Variants in DBF4B observed in about 807,000 individuals in gnomAD.
The protein encoded by DBF4B is protein DBF4 homolog B.
A neutral mutation model predicts 53.4 loss-of-function variants in DBF4B; 49 were observed. The observed-to-expected ratio is 0.92, with a 90% CI of 0.73 to 1.16. The LOEUF is 1.16. Among genes scored for constraint, DBF4B ranks in the 50% most tolerant of loss-of-function variants. DBF4B has a pLI of 0.00. For synonymous variants in DBF4B, 257 were observed against 288.7 expected (o/e 0.89, Z 1.11); for missense variants, 692 against 775.0 (o/e 0.89, Z 1.27).
rs561346727 is a variant in DBF4B, at chr17:44,729,991, T to C, written c.312T>C (p.His104=). Reference sequence around the variant, plus strand: ...AGGCAGAGAGCAGTGGGAAAAGCCATAGAGGCTGCCCTAGCCCTAGCCCCA... The same window carrying C: ...AGGCAGAGAGCAGTGGGAAAAGCCACAGAGGCTGCCCTAGCCCTAGCCCCA... ...EVKAESSGKS[H]RGCPSPSPSE... Residue 104 remains histidine, a synonymous_variant, in exon 4 of 14, where the codon CAT becomes CAC. Transcript: ENST00000315005. 3.7e-6 allele frequency: 6 copies of C among 1,613,800 alleles called. No individual in the cohort carries two copies. Among genetic ancestry groups the C allele is most frequent in the South Asian group, 1.1e-5 (1 of 91,056 alleles).
intron 2 of DBF4B, among the ~76,000 whole-genome samples, chr17:44,716,220 T>G (rs549588546): frequency 1.3e-5 from 2 of 152,126 alleles, no homozygotes; most frequent in African/African-American, 4.8e-5. Context: ...GTCAACTTGA[T>G]AGACTTCATT....
Position 44,741,418 on chromosome 17 carries a change from G to T in DBF4B, c.796G>T (p.Ala266Ser). Residue 266 changes from alanine to serine, a missense_variant, in exon 10 of 14, where the codon GCC (alanine) becomes TCC (serine). Around this residue, in one of 3 missense-constraint regions of DBF4B, gnomAD observed 597 missense variants for 665.8 expected, o/e 0.90. Coordinates refer to ENST00000315005, the MANE Select transcript of DBF4B (RefSeq NM_145663.3). ...LGPKDASPFE[A>S]PTTLGSMHHT... Reference sequence around the variant, plus strand: ...ACCCAAAGATGCAAGTCCCTTTGAGGCCCCGACGACCCTGGGCAGCATGCA... The same window carrying T: ...ACCCAAAGATGCAAGTCCCTTTGAGTCCCCGACGACCCTGGGCAGCATGCA... The T allele has an allele frequency of 6.2e-7, 1 of 1,613,228 alleles. No homozygotes were observed. Among genetic ancestry groups the T allele is most frequent in the Non-Finnish European group, 8.5e-7 (1 of 1,179,516 alleles).
intron 2 of DBF4B, among the ~76,000 whole-genome samples, chr17:44,716,024 A>G (rs1200284178): frequency 6.6e-6 from 1 of 151,318 alleles, no homozygotes; most frequent in African/African-American, 2.4e-5. Flanking sequence ...GGGTTTCACC[A>G]TGTTGGCCAG....
intron 10 of DBF4B, among the ~76,000 whole-genome samples, chr17:44,744,894 T>C (rs536238142): frequency 2.4e-4 from 36 of 152,362 alleles, no homozygotes; most frequent in Admixed American, 2.0e-3. Context: ...TTTTATACTT[T>C]GCCCATTTTT....
rs867249599 is a variant in DBF4B at position 44,738,321 on chromosome 17, G to A, written c.668-58G>A. On this transcript the variant is annotated intron_variant, in intron 8 of 13. Coordinates refer to ENST00000315005, the MANE Select transcript of DBF4B (RefSeq NM_145663.3). ...CCTCTCAGCATTTCCTGCATGTGTG[G>A]TGCAGGCCCTGCACAGGGGCAGACA... The A allele has an allele frequency of 3.5e-5, 55 of 1,565,400 alleles. 1 individual carries two copies. In the Middle Eastern group the frequency reaches 4.6e-3, roughly 130 times the overall value.
rs923402333 is a variant in DBF4B at position 44,750,445 on chromosome 17, T to C, written c.1190-150T>C. 1.5e-5 allele frequency: 22 copies of C among 1,434,046 alleles called. No individual in the cohort carries two copies. In the African/African-American group the frequency reaches 2.7e-4, roughly 18 times the overall value. The allele number at this position is 1,434,046 out of a possible 1,614,324, so 88.8% of individuals were successfully genotyped here. On this transcript the variant is annotated intron_variant, in intron 13 of 13. Coordinates refer to ENST00000315005, the MANE Select transcript of DBF4B (RefSeq NM_145663.3). Reference sequence around the variant, plus strand: ...TTAGTTTGGAAATAGAGCAACTATGTGTACAGCCCACCTTAGAGGTCATGT... The same window carrying C: ...TTAGTTTGGAAATAGAGCAACTATGCGTACAGCCCACCTTAGAGGTCATGT...
intron 2 of DBF4B, chr17:44,720,347 CT>C: frequency 4.7e-6 from 1 of 213,848 alleles, no homozygotes; most frequent in Non-Finnish European, 9.6e-6. Context: ...CAAGAAACTT[CT>C]TTTTCTTTTC....
chr17:44,749,167 C>T lies in DBF4B; in HGVS notation c.1189+702C>T, dbSNP rs1464451265. The T allele has an allele frequency of 1.6e-6, 2 of 1,289,764 alleles. No homozygotes were observed. Among genetic ancestry groups the T allele is most frequent in the East Asian group, 5.6e-5 (1 of 18,018 alleles). 79.9% of individuals were successfully genotyped at this position (1,289,764 alleles called of 1,614,324 possible). A position where few individuals can be genotyped will look rare whatever the true frequency, so the allele number is the denominator to read the frequency against. ...GAGCAGGTCTACCTCCCTCCTGCAGCCCCTGCCAGCCAGTGCGGGAGCCAG... is the reference window on the plus strand; with the variant it reads ...GAGCAGGTCTACCTCCCTCCTGCAGTCCCTGCCAGCCAGTGCGGGAGCCAG... On this transcript the variant is annotated intron_variant, in intron 13 of 13. Coordinates refer to ENST00000315005, the MANE Select transcript of DBF4B (RefSeq NM_145663.3). This position sits in a 1 kb window ranked among gnomAD's most constrained non-coding sequence, Gnocchi z 4.4.
At position 44,750,936 on chromosome 17, in the gene DBF4B, C is replaced by A; in HGVS notation, c.1531C>A (p.Arg511Ser). The change falls in exon 14 of 14, where the codon CGT (arginine) becomes AGT (serine). Residue 511 changes from arginine (R) to serine (S), a missense_variant. Arg to Ser is a moderately radical substitution (Grantham distance 110). Transcript: ENST00000315005. ...PWLMSARCWV[R>S]PFPFVTWGCL... ...GCTTATGTCTGCACGCTGCTGGGTT[C>A]GTCCCTTTCCTTTTGTGACATGGGG... The A allele has an allele frequency of 1.2e-6, 2 of 1,614,188 alleles. No homozygotes were observed. Among genetic ancestry groups the A allele is most frequent in the Non-Finnish European group, 1.7e-6 (2 of 1,180,038 alleles).
intron 3 of DBF4B, among the ~76,000 whole-genome samples, chr17:44,726,676 T>A (rs1431023368): frequency 6.6e-6 from 1 of 152,164 alleles, no homozygotes; most frequent in Non-Finnish European, 1.5e-5. Flanking sequence ...AATATTCTTT[T>A]GAGTGGATTA....
chr17:44,709,488 T>A, intron 2 of DBF4B, 122 bp downstream of exon 2: 1 of 1,075,728 alleles, frequency 9.3e-7, no homozygotes, highest in Non-Finnish European at 1.4e-6. Context: ...TGTACTTATT[T>A]ATTCATTTTA....
chr17:44,751,681 T>A lies in DBF4B; in HGVS notation c.*428T>A. 1 of 1,407,488 alleles carries A rather than the reference T, an allele frequency of 7.1e-7. No individual in the cohort carries two copies. The highest frequency in any genetic ancestry group is 2.6e-5 in the East Asian group (1 of 38,152). 87.2% of individuals were successfully genotyped at this position (1,407,488 alleles called of 1,614,324 possible). A position where few individuals can be genotyped will look rare whatever the true frequency, so the allele number is the denominator to read the frequency against. On this transcript the variant is annotated 3_prime_UTR_variant, in exon 14 of 14. Transcript: ENST00000315005. ...CACCTTCTGTTCTCTGGCTCCTTCC[T>A]GCGGTCTATACCTACCGCCTCCTCT...
At chr17:44,739,854 C>G (rs1221544189) in intron 9 of DBF4B, among the ~76,000 whole-genome samples, 1 of 152,116 alleles carries the variant, frequency 6.6e-6, no homozygotes, top group Non-Finnish European at 1.5e-5. Context: ...CACTGCAACC[C>G]CTGCCTCCCA....
intron 2 of DBF4B, among the ~76,000 whole-genome samples, chr17:44,712,457 A>G (rs910189515): frequency 2.0e-5 from 3 of 151,678 alleles, no homozygotes; most frequent in African/African-American, 7.3e-5. Flanking sequence ...GGCACGTGCC[A>G]CCATGACTGG....
At chr17:44,750,029 C>G (rs1457528996) in intron 13 of DBF4B, 1 of 1,000,668 alleles carries the variant, frequency 1.0e-6, no homozygotes, top group East Asian at 1.1e-4. Flanking sequence ...CAGGATGTGG[C>G]CAGAGCCCCC....
intron 8 of DBF4B, among the ~76,000 whole-genome samples, chr17:44,737,092 C>G (rs1975520188): frequency 6.6e-6 from 1 of 152,160 alleles, no homozygotes; most frequent in South Asian, 2.1e-4. Context: ...TCCTTTAGAG[C>G]CAAGACCCCA....
chr17:44,729,113 G>GA (rs569558294), intron 3 of DBF4B, among the ~76,000 whole-genome samples: 3 of 146,356 alleles, frequency 2.0e-5, no homozygotes, highest in Admixed American at 6.8e-5. Context: ...GAAAAGAAAA[G>GA]AAAAAAAAAG....
chr17:44,709,369 G>GGGT lies in DBF4B; in HGVS notation c.82+4_82+6dup. On this transcript the variant is annotated splice_donor_region_variant and intron_variant, in intron 2 of 13. Transcript: ENST00000315005. ...TAGGCTCCGGGCCCCGGACCTAGGT[G>GGGT]GGTAACAGGACAGAACTAGGGACGT... The GGGT allele has an allele frequency of 6.2e-7, 1 of 1,614,124 alleles. No individual in the cohort carries two copies. Among genetic ancestry groups the GGGT allele is most frequent in the Non-Finnish European group, 8.5e-7 (1 of 1,180,006 alleles).
intron 2 of DBF4B, among the ~76,000 whole-genome samples, 153 bp from the exon 3 acceptor site, chr17:44,722,727 G>A (rs932359687): frequency 6.6e-6 from 1 of 152,224 alleles, no homozygotes; most frequent in Non-Finnish European, 1.5e-5. Flanking sequence ...CTGAGCTTCT[G>A]AGGGTAAGGG....
Sources: gnomAD v4.1 joint callset for allele counts (sites outside exome capture counted in the v4.1 genomes callset) on GRCh38, gnomAD v4.1.1 for gene constraint, gnomAD v4.1.1 regional missense constraint, Gnocchi (gnomAD v3.1) non-coding constraint, MANE v1.5 for transcripts, NCBI Gene and HGNC (gene_info 2026-07-23, HGNC 2026-07-21) for gene names.